TAMM41: variants seen among roughly 807,000 people sequenced by gnomAD.
TAMM41 encodes the protein phosphatidate cytidylyltransferase, mitochondrial.
In TAMM41, 36 loss-of-function variants were observed where a neutral mutation model predicts 44.1. The observed-to-expected ratio is 0.82, with a 90% CI of 0.63 to 1.08. TAMM41 has a LOEUF of 1.08. Among genes scored for constraint, TAMM41 ranks in the 50% least tolerant of loss-of-function variants. The pLI is 0.00. For synonymous variants in TAMM41, 164 were observed against 153.1 expected (o/e 1.07, Z -0.53); for missense variants, 417 against 404.3 (o/e 1.03, Z -0.27).
chr3:11,818,933 G>C (rs149893783), intron 4 of TAMM41, among the ~76,000 whole-genome samples: 2 of 151,916 alleles, frequency 1.3e-5, no homozygotes. Context: ...AGAGCCTCTG[G>C]AACCCGATCT....
chr3:11,842,823 G>A (rs1036959729), intron 2 of TAMM41, among the ~76,000 whole-genome samples: 4 of 152,206 alleles, frequency 2.6e-5, no homozygotes, highest in African/African-American at 9.7e-5. Context: ...CTTGAACAAT[G>A]AGTGGCAGAG....
intron 7 of TAMM41, among the ~76,000 whole-genome samples, chr3:11,801,328 AT>A (rs986399194): frequency 2.0e-5 from 3 of 147,270 alleles, no homozygotes; most frequent in African/African-American, 7.9e-5. Context: ...GTTAATGAAG[AT>A]TTTTTTCCCC....
At chr3:11,833,075 G>T in intron 3 of TAMM41, 1 of 1,253,906 alleles carries the variant, frequency 8.0e-7, no homozygotes, top group African/African-American at 1.5e-5. Context: ...GGTGAACTAG[G>T]AACTTGTCTC....
At chr3:11,786,588 C>A (rs1014782125), downstream of TAMM41, among the ~76,000 whole-genome samples, 3 of 152,042 alleles carry the variant, frequency 2.0e-5, no homozygotes, top group Non-Finnish European at 4.4e-5. Context: ...CAGGCGTGAG[C>A]CACTGCAGCC....
intron 4 of TAMM41, among the ~76,000 whole-genome samples, chr3:11,829,162 A>C (rs1333227458): frequency 1.3e-5 from 2 of 152,206 alleles, no homozygotes; most frequent in Non-Finnish European, 2.9e-5. Context: ...TTACACATAC[A>C]GAGAAAACAG....
At chr3:11,821,635 T>C (rs555384268) in intron 4 of TAMM41, among the ~76,000 whole-genome samples, 78 of 152,308 alleles carry the variant, frequency 5.1e-4, no homozygotes, top group African/African-American at 1.8e-3. Context: ...TTGTAAGTAG[T>C]AAAGCAGATA....
intron 3 of TAMM41, 154 bp from the exon 4 acceptor site, chr3:11,830,018 A>C: frequency 1.6e-6 from 1 of 628,870 alleles, no homozygotes; most frequent in Non-Finnish European, 2.7e-6. Context: ...TCTAATAAGT[A>C]ATCCCAGAAT....
chr3:11,743,026 C>G, the TAMM41 span, among the ~76,000 whole-genome samples: 37 of 152,242 alleles, frequency 2.4e-4, no homozygotes, highest in South Asian at 5.6e-3. Flanking sequence ...TAGGCCCCCC[C>G]AACCAGACAC....
intron 7 of TAMM41, among the ~76,000 whole-genome samples, chr3:11,805,598 AG>A (rs1286926120): frequency 6.6e-6 from 1 of 152,148 alleles, no homozygotes; most frequent in East Asian, 1.9e-4. Context: ...GTGATTCAGG[AG>A]GGCAACACGG....
At chr3:11,786,207 T>G (rs2077415730), downstream of TAMM41, among the ~76,000 whole-genome samples, 1 of 151,892 alleles carries the variant, frequency 6.6e-6, no homozygotes, top group African/African-American at 2.4e-5. Flanking sequence ...CCTTCTTTTT[T>G]GTTTGCCAGC....
intron 3 of TAMM41, among the ~76,000 whole-genome samples, chr3:11,837,202 C>T (rs915116957): frequency 2.0e-5 from 3 of 152,220 alleles, no homozygotes; most frequent in Non-Finnish European, 1.5e-5. Flanking sequence ...TCATTTTTCC[C>T]ATAGATAGCT....
intron 2 of TAMM41, among the ~76,000 whole-genome samples, chr3:11,841,073 ATTTTTTTTTTTT>A (rs141805597): frequency 6.0e-5 from 5 of 83,964 alleles, no homozygotes; most frequent in East Asian, 3.8e-4. Flanking sequence ...GCCCATTTCT[ATTTTTTTTTTTT>A]TTTTTTTTTT....
chr3:11,839,513 C>T (rs951987496), intron 2 of TAMM41, among the ~76,000 whole-genome samples, 199 bp from the exon 3 acceptor site: 7 of 152,052 alleles, frequency 4.6e-5, no homozygotes, highest in Non-Finnish European at 8.8e-5. Context: ...CTGATTTAGC[C>T]CCTAGGGTAT....
chr3:11,723,590 A>C, the TAMM41 span, among the ~76,000 whole-genome samples: 5,937 of 151,722 alleles, frequency 0.039, 355 homozygotes, highest in African/African-American at 0.13. Context: ...CAAAAAAAAA[A>C]AAAAACAAAA....
downstream of TAMM41, among the ~76,000 whole-genome samples, chr3:11,788,950 A>G (rs567034511): frequency 6.6e-6 from 1 of 152,210 alleles, no homozygotes; most frequent in Non-Finnish European, 1.5e-5. Context: ...AAAAACAAAA[A>G]AGAAAAAAGA....
intron 2 of TAMM41, among the ~76,000 whole-genome samples, chr3:11,841,186 G>A (rs2079424400): frequency 6.9e-6 from 1 of 145,266 alleles, no homozygotes; most frequent in Non-Finnish European, 1.5e-5. Flanking sequence ...GGGCTCCAGT[G>A]ATCCTCCCAC....
chr3:11,735,487 A>G, the TAMM41 span, among the ~76,000 whole-genome samples: 1 of 152,060 alleles, frequency 6.6e-6, no homozygotes, highest in South Asian at 2.1e-4. Context: ...TACAAAAATT[A>G]GCCAGGTGTG....
the TAMM41 span, among the ~76,000 whole-genome samples, chr3:11,742,778 A>G: frequency 7.2e-6 from 1 of 139,278 alleles, no homozygotes; most frequent in Admixed American, 6.8e-5. Context: ...TTTTTTTGGT[A>G]GAGACAGGGG....
chr3:11,782,789 G>T, the TAMM41 span, among the ~76,000 whole-genome samples: 4 of 152,296 alleles, frequency 2.6e-5, no homozygotes, highest in African/African-American at 9.6e-5. Flanking sequence ...TTGGGGCATG[G>T]ACTTTTCTGT....
Sources: allele counts gnomAD v4.1 joint callset (sites outside exome capture counted in the v4.1 genomes callset), GRCh38; gene constraint gnomAD v4.1.1; transcripts MANE v1.5; gene names NCBI Gene and HGNC (gene_info 2026-07-23, HGNC 2026-07-21).